Variants in AIF1L observed in about 807,000 individuals in gnomAD.
AIF1L encodes allograft inflammatory factor 1 like.
Under a neutral mutation model 20.7 loss-of-function variants are expected in AIF1L, and 12 were observed. That is an observed-to-expected ratio of 0.58 (90% CI 0.37 to 0.94). The LOEUF is 0.94. AIF1L is among the 40% of genes least tolerant of loss of function. The pLI, the probability that AIF1L is intolerant of heterozygous loss-of-function variation, is 0.01. For missense variants in AIF1L, 173 were observed against 185.3 expected (o/e 0.93, Z 0.39); for synonymous variants, 76 against 65.1 (o/e 1.17, Z -0.81).
At position 131,096,588 on chromosome 9, in the gene AIF1L, G is replaced by T; in HGVS notation, c.-42G>T. The stretch of plus-strand genomic sequence containing the variant: ...CTGTGCCTCCTCCTCGTCCCTCGCC[G>T]CGTCCGCGAAGCCTGGAGCCGGCGG... On this transcript the variant is annotated 5_prime_UTR_variant, in exon 1 of 6. Coordinates refer to ENST00000247291, the MANE Select transcript of AIF1L (RefSeq NM_031426.4). 6.7e-7 allele frequency: 1 copy of T among 1,483,834 alleles called. No individual in the cohort carries two copies. The highest frequency in any genetic ancestry group is 8.9e-7 in the Non-Finnish European group (1 of 1,125,458). The allele number at this position is 1,483,834 out of a possible 1,614,324, so 91.9% of individuals were successfully genotyped here. A position where few individuals can be genotyped will look rare whatever the true frequency, so the allele number is the denominator to read the frequency against.
intron 5 of AIF1L, among the ~76,000 whole-genome samples, chr9:131,118,562 T>C (rs1400886750): frequency 1.3e-5 from 2 of 151,518 alleles, no homozygotes; most frequent in Non-Finnish European, 2.9e-5. Flanking sequence ...TTTTTTTTTT[T>C]TCTTTTTGAG....
intron 3 of AIF1L, among the ~76,000 whole-genome samples, chr9:131,113,107 G>A (rs889894588): frequency 2.6e-5 from 4 of 152,160 alleles, no homozygotes; most frequent in Non-Finnish European, 1.5e-5. Flanking sequence ...ACAGAGAGCC[G>A]GGAAATACAA....
intron 4 of AIF1L, among the ~76,000 whole-genome samples, chr9:131,116,093 A>G (rs1328235208): frequency 6.6e-6 from 1 of 152,148 alleles, no homozygotes; most frequent in Non-Finnish European, 1.5e-5. Context: ...CACCTCCCAG[A>G]AGTAACTGCT....
intron 2 of AIF1L, among the ~76,000 whole-genome samples, chr9:131,105,889 G>A (rs1049088778): frequency 1.3e-5 from 2 of 150,382 alleles, no homozygotes; most frequent in African/African-American, 4.9e-5. Context: ...TGCAGTCAAA[G>A]CTCATTGCAG....
chr9:131,116,439 T>C (rs1044926330), intron 4 of AIF1L, among the ~76,000 whole-genome samples: 10 of 152,122 alleles, frequency 6.6e-5, no homozygotes, highest in African/African-American at 2.4e-4. Context: ...AATTTTCGTA[T>C]TTTTAGTAGA....
intron 3 of AIF1L, chr9:131,114,070 C>T (rs1830953434): frequency 5.6e-6 from 1 of 177,348 alleles, no homozygotes; most frequent in East Asian, 1.4e-4. Flanking sequence ...TGTATGTCCA[C>T]TTTGTGGGCT....
intron 1 of AIF1L, 50 bp downstream of exon 1, chr9:131,096,710 CG>C (rs1378200114): frequency 6.9e-7 from 1 of 1,446,638 alleles, no homozygotes; most frequent in Non-Finnish European, 9.0e-7. Context: ...GGGCGGACCG[CG>C]GGGTCCACCG....
intron 2 of AIF1L, among the ~76,000 whole-genome samples, chr9:131,107,166 A>G (rs1023287381): frequency 6.6e-6 from 1 of 152,178 alleles, no homozygotes; most frequent in African/African-American, 2.4e-5. Context: ...GAGGGAGAGA[A>G]CCACGCAGAT....
In AIF1L at chr9:131,117,748, C is replaced by G. The variant is rs374128627; in HGVS notation, c.203-8C>G. The G allele has an allele frequency of 6.2e-5, 100 of 1,601,960 alleles. 1 individual carries two copies. The African/African-American group carries it at 1.1e-3, about 18-fold the overall frequency. ...CTCCACTTAACAGATCTGCTTTTCC[C>G]CCGGCAGACCTGATGTCTTTAAAGA... On this transcript the variant is annotated splice_region_variant and splice_polypyrimidine_tract_variant and intron_variant, in intron 4 of 5. Transcript: ENST00000247291.
At chr9:131,098,562 G>A (rs1406019146) in intron 2 of AIF1L, among the ~76,000 whole-genome samples, 1 of 152,158 alleles carries the variant, frequency 6.6e-6, no homozygotes, top group Non-Finnish European at 1.5e-5. Context: ...TGGGGGTGAG[G>A]TGACCATGGT....
At chr9:131,106,030 G>A (rs560541373) in intron 2 of AIF1L, among the ~76,000 whole-genome samples, 1 of 152,110 alleles carries the variant, frequency 6.6e-6, no homozygotes, top group African/African-American at 2.4e-5. Context: ...TGTTGCTCAG[G>A]CTGACTTCAA....
intron 2 of AIF1L, among the ~76,000 whole-genome samples, chr9:131,102,279 G>A (rs909271861): frequency 4.6e-5 from 7 of 152,092 alleles, no homozygotes; most frequent in African/African-American, 1.7e-4. Context: ...GGTAGGCTGG[G>A]TATCTCTGCC....
chr9:131,117,904 G>A lies in AIF1L; in HGVS notation c.351G>A (p.Ser117=), dbSNP rs34166734. ...TGAACATGATGCTGGGGAAACGGTC[G>A]GCTGTCCTCAAGTTGTGAGTACCTC... ...DFVNMMLGKR[S]AVLKLVMMFE... Residue 117 remains serine (S), a synonymous_variant, in exon 5 of 6, where the codon TCG becomes TCA. Transcript: ENST00000247291. The A allele has an allele frequency of 7.8e-4, 1,249 of 1,611,236 alleles. 17 individuals are homozygous for A. In the African/African-American group the frequency reaches 0.015, roughly 20 times the overall value.
chr9:131,105,359 A>ATGTTT (rs1260867246), intron 2 of AIF1L, among the ~76,000 whole-genome samples: 13 of 152,180 alleles, frequency 8.5e-5, no homozygotes, highest in South Asian at 2.1e-4. Flanking sequence ...AGCATTTGTC[A>ATGTTT]TGTTTTGTTT....
At chr9:131,101,766 GT>G (rs141647780) in intron 2 of AIF1L, among the ~76,000 whole-genome samples, 2,440 of 152,132 alleles carry the variant, frequency 0.016, 66 homozygotes, top group African/African-American at 0.056. Context: ...CTGTCACCAG[GT>G]GGCTGCAGCC....
chr9:131,096,839 G>A lies in AIF1L; in HGVS notation c.69G>A (p.Glu23=), dbSNP rs1220329927. The A allele has an allele frequency of 1.3e-6, 2 of 1,538,748 alleles. No individual in the cohort carries two copies. Among genetic ancestry groups the A allele is most frequent in the Non-Finnish European group, 8.7e-7 (1 of 1,143,370 alleles). ...KAFGLLKARQ[E]RRLAEINREF... ...TCGGCTTGCTCAAAGCCCGGCAGGAGAGGAGGCTGGCCGAGATCAACCGGG... is the reference window on the plus strand; with the variant it reads ...TCGGCTTGCTCAAAGCCCGGCAGGAAAGGAGGCTGGCCGAGATCAACCGGG... The change falls in exon 2 of 6, where the codon GAG becomes GAA. Residue 23 remains glutamate (E), a synonymous_variant. Coordinates refer to ENST00000247291, the MANE Select transcript of AIF1L (RefSeq NM_031426.4).
At chr9:131,110,630 A>G (rs1830856489) in intron 2 of AIF1L, among the ~76,000 whole-genome samples, 1 of 151,250 alleles carries the variant, frequency 6.6e-6, no homozygotes, top group Non-Finnish European at 1.5e-5. Flanking sequence ...CAGCCTCCCA[A>G]GTAGCTGGGA....
At chr9:131,113,493 A>T (rs1227443050) in intron 3 of AIF1L, among the ~76,000 whole-genome samples, 1 of 38,346 alleles carries the variant, frequency 2.6e-5, no homozygotes, top group Non-Finnish European at 4.7e-5. Context: ...ATGAGACTCC[A>T]TCTCAAAAAA....
At chr9:131,118,175 C>T (rs1831055819) in intron 5 of AIF1L, among the ~76,000 whole-genome samples, 1 of 152,166 alleles carries the variant, frequency 6.6e-6, no homozygotes, top group African/African-American at 2.4e-5. Context: ...TCACTGCAAC[C>T]TCCGCCTCCT....
Sources: allele counts gnomAD v4.1 joint callset (sites outside exome capture counted in the v4.1 genomes callset), GRCh38; gene constraint gnomAD v4.1.1; transcripts MANE v1.5; gene names NCBI Gene and HGNC (gene_info 2026-07-23, HGNC 2026-07-21).